DCLK1: variants seen among roughly 807,000 people sequenced by gnomAD.
DCLK1 encodes the protein doublecortin like kinase 1, also known as serine/threonine-protein kinase DCLK1.
DCLK1 carries 16 observed loss-of-function variants against 86.2 expected under a neutral mutation model. That is an observed-to-expected ratio of 0.19 (90% CI 0.13 to 0.28). The LOEUF (loss-of-function observed/expected upper bound fraction) is 0.28. Among genes scored for constraint, DCLK1 ranks in the 10% least tolerant of loss-of-function variants. DCLK1 has a pLI of 1.00. For synonymous variants in DCLK1, 369 were observed against 370.5 expected (o/e 1.00, Z 0.05); for missense variants, 590 against 940.2 (o/e 0.63, Z 4.87).
intron 6 of DCLK1, among the ~76,000 whole-genome samples, chr13:35,843,734 G>A (rs1427065345): frequency 3.3e-5 from 5 of 151,932 alleles, no homozygotes; most frequent in Admixed American, 6.6e-5. Context: ...ATTTTATCTT[G>A]GCATACAATT....
At chr13:36,112,682 T>C (rs1593901850) in intron 2 of DCLK1, among the ~76,000 whole-genome samples, 1 of 152,106 alleles carries the variant, frequency 6.6e-6, no homozygotes, top group African/African-American at 2.4e-5. Context: ...TTGATGAGAG[T>C]TGATGCTAAA....
At position 35,960,516 on chromosome 13, in the gene DCLK1, G is replaced by T. The variant is rs534066603; in HGVS notation, c.724-13059C>A. On this transcript the variant is annotated intron_variant, in intron 3 of 16. Transcript: ENST00000360631. The stretch of plus-strand genomic sequence containing the variant: ...TTGTTTACTTTATTTTAAAGATGGG[G>T]TCTCTGTTGCCCAGGCTGGACTGCC... 4.6e-5 allele frequency among the ~76,000 whole-genome samples: 7 copies of T among 152,272 alleles called. No individual in the cohort carries two copies. The South Asian group carries it at 1.5e-3, about 32-fold the overall frequency.
intron 4 of DCLK1, among the ~76,000 whole-genome samples, chr13:35,882,353 T>C (rs969001116): frequency 9.9e-5 from 15 of 152,246 alleles, no homozygotes; most frequent in Non-Finnish European, 1.8e-4. Context: ...GACCCTTAAC[T>C]TAATTAAACC....
At chr13:36,116,937 T>C (rs1885812348) in intron 2 of DCLK1, among the ~76,000 whole-genome samples, 1 of 152,204 alleles carries the variant, frequency 6.6e-6, no homozygotes, top group South Asian at 2.1e-4. Context: ...CACAGCAACA[T>C]TTCATAATCT....
chr13:35,921,674 A>G (rs980577537), intron 4 of DCLK1, among the ~76,000 whole-genome samples: 1 of 152,226 alleles, frequency 6.6e-6, no homozygotes, highest in Non-Finnish European at 1.5e-5. Flanking sequence ...GTGTGGCCAA[A>G]GTGAAACAAA....
At position 35,793,600 on chromosome 13, in the gene DCLK1, C is replaced by G. The variant is rs537080353; in HGVS notation, c.1945-121G>C. On this transcript the variant is annotated intron_variant, in intron 15 of 16. Transcript: ENST00000360631. ...AATTCATAAGATGTCAGAAATAAAC[C>G]AACCAATGTCTACTCATTAAACACT... The G allele has an allele frequency of 9.1e-6, 6 of 661,416 alleles. 1 individual carries two copies. In the Admixed American group the frequency reaches 1.2e-4, roughly 13 times the overall value. 41.0% of individuals were successfully genotyped at this position (661,416 alleles called of 1,614,324 possible).
chr13:35,823,016 C>T, intron 10 of DCLK1, 141 bp from the exon 11 acceptor site: 2 of 1,015,222 alleles, frequency 2.0e-6, no homozygotes, highest in Non-Finnish European at 2.8e-6. Context: ...CTGCTACTTT[C>T]CTTTCAAAGG....
intron 3 of DCLK1, among the ~76,000 whole-genome samples, chr13:36,015,553 G>A (rs1249746624): frequency 6.6e-6 from 1 of 152,116 alleles, no homozygotes; most frequent in African/African-American, 2.4e-5. Flanking sequence ...CTTTCAGCCA[G>A]AGCTTCTATG....
chr13:36,077,455 G>A (rs1469985573), intron 3 of DCLK1, among the ~76,000 whole-genome samples: 1 of 152,158 alleles, frequency 6.6e-6, no homozygotes, highest in African/African-American at 2.4e-5. Context: ...TTTTTGTTAA[G>A]AGGGTATTAA....
chr13:35,785,701 G>A (rs2086608895), intron 16 of DCLK1, among the ~76,000 whole-genome samples: 1 of 152,142 alleles, frequency 6.6e-6, no homozygotes, highest in Admixed American at 6.5e-5. Context: ...CGACTCCCAA[G>A]TGTTCGGCTT....
chr13:35,813,969 G>T (rs1481103664), intron 11 of DCLK1, among the ~76,000 whole-genome samples: 1 of 152,020 alleles, frequency 6.6e-6, no homozygotes, highest in Non-Finnish European at 1.5e-5. Context: ...TGTCAGGCAG[G>T]GCAGGAAACA....
In DCLK1 at chr13:36,125,807, T is replaced by G. The variant is rs1886154014; in HGVS notation, c.331A>C (p.Ile111Leu). 1 of 1,614,190 alleles carries G rather than the reference T, an allele frequency of 6.2e-7. No individual in the cohort carries two copies. Among genetic ancestry groups the G allele is most frequent in the African/African-American group, 1.3e-5 (1 of 75,050 alleles). ...LPQGVRTIYT[I>L]DGLKKISSLD... Reference sequence around the variant, plus strand: ...CTGGAAATCTTCTTGAGCCCATCAATGGTGTAGATTGTTCTCACTCCCTGG... The same window carrying G: ...CTGGAAATCTTCTTGAGCCCATCAAGGGTGTAGATTGTTCTCACTCCCTGG... Residue 111 changes from isoleucine to leucine, a missense_variant, in exon 2 of 17, where the codon ATT becomes CTT. By Grantham distance (5) the Ile-to-Leu change is conservative. This residue lies in a region of DCLK1 where 195 missense variants were observed against 365.1 expected (regional missense o/e 0.53). Coordinates refer to ENST00000360631, the MANE Select transcript of DCLK1 (RefSeq NM_001330071.2).
At chr13:36,098,107 C>T (rs115515342) in intron 3 of DCLK1, among the ~76,000 whole-genome samples, 266 of 152,266 alleles carry the variant, frequency 1.7e-3, no homozygotes, top group African/African-American at 5.9e-3. Context: ...TCAAGAAACA[C>T]TAGCTGCTAT....
intron 16 of DCLK1, among the ~76,000 whole-genome samples, chr13:35,781,053 T>C (rs941176827): frequency 2.0e-5 from 3 of 152,120 alleles, no homozygotes; most frequent in Non-Finnish European, 4.4e-5. Flanking sequence ...ATTGGGAAAA[T>C]CAGTATAAAG....
chr13:35,800,775 T>G (rs907491086), intron 15 of DCLK1, among the ~76,000 whole-genome samples: 1 of 151,748 alleles, frequency 6.6e-6, no homozygotes, highest in African/African-American at 2.4e-5. Flanking sequence ...TGGAGTGCAG[T>G]GGCTCAAACT....
chr13:35,816,622 C>T (rs551790546), intron 11 of DCLK1, among the ~76,000 whole-genome samples: 11 of 152,204 alleles, frequency 7.2e-5, no homozygotes, highest in South Asian at 2.1e-4. Context: ...AATTGAGATT[C>T]GAAGATGTAA....
At chr13:35,812,507 G>A (rs927647316) in intron 11 of DCLK1, among the ~76,000 whole-genome samples, 3 of 152,152 alleles carry the variant, frequency 2.0e-5, no homozygotes, top group Non-Finnish European at 4.4e-5. Flanking sequence ...CTGTTCACAC[G>A]TCACGTCTGC....
At chr13:35,779,784 T>C (rs1303431474) in intron 16 of DCLK1, among the ~76,000 whole-genome samples, 1 of 152,222 alleles carries the variant, frequency 6.6e-6, no homozygotes, top group African/African-American at 2.4e-5. Flanking sequence ...TCATGTATGA[T>C]GTTTAGAAGT....
intron 16 of DCLK1, among the ~76,000 whole-genome samples, chr13:35,789,930 G>C (rs1463270107): frequency 6.6e-6 from 1 of 151,622 alleles, no homozygotes; most frequent in East Asian, 1.9e-4. Flanking sequence ...GGCAGCAGAG[G>C]GACAATGGCG....
Sources: gnomAD v4.1 joint callset for allele counts (sites outside exome capture counted in the v4.1 genomes callset) on GRCh38, gnomAD v4.1.1 for gene constraint, gnomAD v4.1.1 regional missense constraint, MANE v1.5 for transcripts, NCBI Gene and HGNC (gene_info 2026-07-23, HGNC 2026-07-21) for gene names.